Variants in TRPM3 observed in about 807,000 individuals in gnomAD.
The protein encoded by TRPM3 is transient receptor potential cation channel subfamily M member 3.
TRPM3 carries 77 observed loss-of-function variants against 181.2 expected under a neutral mutation model. That is an observed-to-expected ratio of 0.42 (90% confidence interval 0.35 to 0.51). The LOEUF (loss-of-function observed/expected upper bound fraction) is 0.51, where lower values mean the gene tolerates loss of function less well. Ranked by LOEUF, TRPM3 falls within the 20% of genes least tolerant of loss-of-function variation. The pLI is 0.01. For synonymous variants in TRPM3, 745 were observed against 796.4 expected, an observed-to-expected ratio of 0.94 and a Z score of 1.09; for missense variants, 1,759 against 2,196.7, an observed-to-expected ratio of 0.80 and a Z score of 3.98.
At chr9:71,079,154 A>G (rs1401296676) in intron 1 of TRPM3, among the ~76,000 whole-genome samples, 1 of 152,346 alleles carries the variant, frequency 6.6e-6, no homozygotes, top group East Asian at 1.9e-4. Context: ...CAATCCAAAC[A>G]TCTCAAAGGA....
intron 1 of TRPM3, among the ~76,000 whole-genome samples, chr9:71,181,447 T>A (rs935258261): frequency 2.0e-5 from 3 of 151,802 alleles, no homozygotes; most frequent in Non-Finnish European, 2.9e-5. Flanking sequence ...TCTGAGCCCT[T>A]AGGTCAACTC....
At chr9:70,554,702 GA>G (rs907179210) in intron 22 of TRPM3, among the ~76,000 whole-genome samples, 1 of 152,106 alleles carries the variant, frequency 6.6e-6, no homozygotes, top group Non-Finnish European at 1.5e-5. Context: ...AATTAGGCTG[GA>G]AAAATTATGT....
At chr9:71,112,573 A>G (rs895165154) in intron 1 of TRPM3, among the ~76,000 whole-genome samples, 5 of 152,192 alleles carry the variant, frequency 3.3e-5, no homozygotes, top group Admixed American at 3.3e-4. Flanking sequence ...AACACTAATC[A>G]AAAACATAGT....
chr9:71,247,370 A>T (rs1203395572), intron 1 of TRPM3, among the ~76,000 whole-genome samples: 1 of 151,426 alleles, frequency 6.6e-6, no homozygotes, highest in African/African-American at 2.4e-5. Context: ...AAAAAAAAAA[A>T]AAAAATTAAC....
At chr9:70,679,176 T>C (rs1161292473) in intron 9 of TRPM3, among the ~76,000 whole-genome samples, 1 of 152,204 alleles carries the variant, frequency 6.6e-6, no homozygotes, top group Non-Finnish European at 1.5e-5. Context: ...AAGAATAGAT[T>C]GAATAGAAAA....
intron 1 of TRPM3, among the ~76,000 whole-genome samples, chr9:71,183,084 C>A (rs753566708): frequency 6.6e-6 from 1 of 152,030 alleles, no homozygotes; most frequent in Non-Finnish European, 1.5e-5. Context: ...ACATACCAGA[C>A]AAGGTAGTAA....
intron 1 of TRPM3, among the ~76,000 whole-genome samples, chr9:70,898,272 G>A (rs1043296643): frequency 1.1e-4 from 17 of 150,992 alleles, no homozygotes; most frequent in Admixed American, 2.6e-4. Context: ...ACAGGCGCCC[G>A]CCACTACGCC....
intron 1 of TRPM3, among the ~76,000 whole-genome samples, chr9:71,298,732 A>G (rs777268796): frequency 1.3e-5 from 2 of 152,096 alleles, no homozygotes; most frequent in Non-Finnish European, 1.5e-5. Flanking sequence ...CTCTCTCTCA[A>G]TCTCTCTCTA....
intron 7 of TRPM3, among the ~76,000 whole-genome samples, chr9:70,776,682 AAG>A (rs1196918010): frequency 1.3e-5 from 2 of 152,282 alleles, no homozygotes; most frequent in East Asian, 1.9e-4. Context: ...AGCTGTGGGA[AAG>A]AGAGAAATGT....
At chr9:70,691,708 A>C (rs1410873669) in intron 8 of TRPM3, among the ~76,000 whole-genome samples, 1 of 152,182 alleles carries the variant, frequency 6.6e-6, no homozygotes, top group African/African-American at 2.4e-5. Flanking sequence ...ACAGAAAATC[A>C]TTTCTTTTTT....
At position 70,646,611 on chromosome 9, in the gene TRPM3, T is replaced by C. The variant is rs372205711; in HGVS notation, c.1346-5951A>G. 4.6e-5 allele frequency among the ~76,000 whole-genome samples: 7 copies of C among 152,148 alleles called. No homozygotes were observed. In the South Asian group the frequency reaches 1.5e-3, roughly 32 times the overall value. On this transcript the variant is annotated intron_variant, in intron 9 of 25. Transcript: ENST00000677713. ...GAGGGATAGCATTAGGAGAAATATC[T>C]AATGTAGACTATGGGTTGATAGGTG...
intron 6 of TRPM3, chr9:70,793,482 A>G (rs927932508): frequency 1.9e-5 from 3 of 157,910 alleles, no homozygotes; most frequent in African/African-American, 7.4e-5. Context: ...ATATATATAT[A>G]TATATATATA....
intron 1 of TRPM3, among the ~76,000 whole-genome samples, chr9:71,228,558 T>C (rs1161278917): frequency 6.6e-6 from 1 of 152,146 alleles, no homozygotes; most frequent in Non-Finnish European, 1.5e-5. Context: ...GATGATAAAA[T>C]CTTCTATTTG....
intron 1 of TRPM3, among the ~76,000 whole-genome samples, chr9:71,155,687 T>C (rs68116606): frequency 0.2 from 29,857 of 151,720 alleles, 3,074 homozygotes; most frequent in African/African-American, 0.25. Flanking sequence ...GATACATACA[T>C]CTACAAGATA....
intron 1 of TRPM3, among the ~76,000 whole-genome samples, chr9:71,093,789 T>C (rs1476388078): frequency 6.6e-6 from 1 of 152,078 alleles, no homozygotes; most frequent in African/African-American, 2.4e-5. Context: ...CATACACACA[T>C]ATGTTTGTTG....
At chr9:70,807,499 T>C (rs1273480107) in intron 6 of TRPM3, among the ~76,000 whole-genome samples, 1 of 152,186 alleles carries the variant, frequency 6.6e-6, no homozygotes, top group East Asian at 1.9e-4. Context: ...CTTTTTAGTA[T>C]CTAGTCGCTT....
At chr9:70,960,546 G>A (rs1158065152) in intron 1 of TRPM3, among the ~76,000 whole-genome samples, 1 of 152,164 alleles carries the variant, frequency 6.6e-6, no homozygotes, top group Non-Finnish European at 1.5e-5. Flanking sequence ...TAATTCCTCA[G>A]AATACAAAAT....
At chr9:71,361,115 T>C (rs543696258) in intron 1 of TRPM3, among the ~76,000 whole-genome samples, 3 of 152,264 alleles carry the variant, frequency 2.0e-5, no homozygotes, top group Non-Finnish European at 4.4e-5. Flanking sequence ...GCCTCCCAAG[T>C]AGCTGGGATT....
At chr9:71,392,766 A>G (rs1171235688) in intron 1 of TRPM3, among the ~76,000 whole-genome samples, 1 of 152,170 alleles carries the variant, frequency 6.6e-6, no homozygotes, top group Non-Finnish European at 1.5e-5. Context: ...GGGAAGCTAC[A>G]TCAAAATCAC....
Sources: allele counts gnomAD v4.1 joint callset (sites outside exome capture counted in the v4.1 genomes callset), GRCh38; gene constraint gnomAD v4.1.1; transcripts MANE v1.5; gene names NCBI Gene and HGNC (gene_info 2026-07-23, HGNC 2026-07-21).